Variants in CNTNAP3 observed in about 807,000 individuals in gnomAD.
CNTNAP3 encodes the protein contactin-associated protein-like 3.
CNTNAP3 carries 36 observed loss-of-function variants against 92.1 expected under a neutral mutation model. The ratio of observed to expected loss-of-function variants is 0.39; its 90% CI spans 0.30 to 0.52. The LOEUF is 0.52. Among genes scored for constraint, CNTNAP3 ranks in the 20% least tolerant of loss-of-function variants. The probability of loss-of-function intolerance (pLI) is 0.76; values close to 1 mark genes in which losing one functional copy is unlikely to be tolerated. For synonymous variants in CNTNAP3, 232 were observed against 422.3 expected, an observed-to-expected ratio of 0.55 and a Z score of 5.53; for missense variants, 534 against 1,069.6, an observed-to-expected ratio of 0.50 and a Z score of 6.98.
chr9:39,116,060 G>A (rs1046711916), intron 14 of CNTNAP3, among the ~76,000 whole-genome samples: 1 of 152,018 alleles, frequency 6.6e-6, no homozygotes, highest in African/African-American at 2.4e-5. Context: ...GCTGAGGCAG[G>A]AGAATCGCTT....
intron 9 of CNTNAP3, among the ~76,000 whole-genome samples, chr9:39,163,135 A>C: frequency 1.8e-5 from 1 of 56,218 alleles, no homozygotes; most frequent in East Asian, 4.4e-4. Flanking sequence ...AAAACAAAGT[A>C]GTGTGGATCA....
intron 21 of CNTNAP3, among the ~76,000 whole-genome samples, chr9:39,081,342 C>T (rs938602982): frequency 6.6e-6 from 1 of 151,990 alleles, no homozygotes; most frequent in Non-Finnish European, 1.5e-5. Context: ...TTTTGCTTCT[C>T]TTAGCTGAAT....
At chr9:39,121,896 A>C (rs969147861) in intron 13 of CNTNAP3, among the ~76,000 whole-genome samples, 1 of 152,150 alleles carries the variant, frequency 6.6e-6, no homozygotes, top group Non-Finnish European at 1.5e-5. Context: ...CCAAAAAGCT[A>C]GTTTACTAGA....
intron 12 of CNTNAP3, among the ~76,000 whole-genome samples, chr9:39,137,637 C>A (rs1388795552): frequency 1.3e-5 from 2 of 151,682 alleles, no homozygotes; most frequent in African/African-American, 4.8e-5. Context: ...CTCAGCCTCC[C>A]GAGTAGCTGG....
At chr9:39,149,715 A>C in intron 10 of CNTNAP3, 91 bp downstream of exon 10, 2 of 699,686 alleles carry the variant, frequency 2.9e-6, no homozygotes, top group Non-Finnish European at 2.4e-6. Flanking sequence ...AACAACAAAA[A>C]AGAGAACGGA....
chr9:39,142,074 T>C (rs1821590222), intron 11 of CNTNAP3, among the ~76,000 whole-genome samples: 1 of 152,170 alleles, frequency 6.6e-6, no homozygotes. Flanking sequence ...TTGAAATACT[T>C]TTTCAATCTC....
chr9:39,137,923 G>A (rs1489232152), intron 12 of CNTNAP3, among the ~76,000 whole-genome samples: 1 of 151,700 alleles, frequency 6.6e-6, no homozygotes, highest in African/African-American at 2.4e-5. Context: ...GCAGTGGTGT[G>A]ACCATGGCTC....
chr9:39,104,224 G>A (rs1826540977), intron 15 of CNTNAP3, among the ~76,000 whole-genome samples: 1 of 152,054 alleles, frequency 6.6e-6, no homozygotes, highest in Non-Finnish European at 1.5e-5. Flanking sequence ...TCAAAGGTAC[G>A]ACCAACAGAA....
rs536107443 is a variant in CNTNAP3 at position 39,149,941 on chromosome 9, C to T, written c.1514G>A (p.Ser505Asn). 6.2e-7 allele frequency: 1 copy of T among 1,611,776 alleles called. No individual in the cohort carries two copies. Among genetic ancestry groups the T allele is most frequent in the African/African-American group, 1.3e-5 (1 of 74,916 alleles). ...GCAGCCCTGAAACCCTCCCAGGGGG[C>T]TTTTACATCCAGAGCCAGAGCTGTT... is the stretch of plus-strand genomic sequence containing the variant. ...LDNSSGSGCKSPLGGFQGCLR... is the reference protein window; with the variant it reads ...LDNSSGSGCKNPLGGFQGCLR... Residue 505 changes from serine to asparagine, a missense_variant, in exon 10 of 24, where the codon AGC becomes AAC. By Grantham distance (46) the Ser-to-Asn change is conservative. Transcript: ENST00000297668.
At chr9:39,151,460 G>A (rs141220847) in intron 9 of CNTNAP3, among the ~76,000 whole-genome samples, 3,544 of 132,704 alleles carry the variant, frequency 0.027, 181 homozygotes, top group Non-Finnish European at 0.036. Context: ...GGGAAACTGA[G>A]GCAGGAGAAT....
intron 9 of CNTNAP3, among the ~76,000 whole-genome samples, chr9:39,162,982 AAAAG>A (rs1369242437): frequency 3.7e-5 from 3 of 80,350 alleles, no homozygotes; most frequent in Non-Finnish European, 7.0e-5. Flanking sequence ...GTTTAAAAAA[AAAAG>A]AGAAGCAACA....
intron 12 of CNTNAP3, among the ~76,000 whole-genome samples, chr9:39,138,780 G>A (rs1389723791): frequency 2.0e-5 from 3 of 152,288 alleles, no homozygotes; most frequent in South Asian, 2.1e-4. Context: ...CCTTGACAAC[G>A]GTTTCCCCAA....
chr9:39,113,420 ATTATT>A (rs1205147026), intron 14 of CNTNAP3, among the ~76,000 whole-genome samples: 11 of 152,116 alleles, frequency 7.2e-5, no homozygotes, highest in South Asian at 2.1e-4. Flanking sequence ...TGTAATGGTA[ATTATT>A]TTAAGATTTT....
chr9:39,128,799 A>ATTAAGTTCAAAAAAGAGCTTATAAG (rs1554649379), intron 13 of CNTNAP3, among the ~76,000 whole-genome samples: 1 of 151,614 alleles, frequency 6.6e-6, no homozygotes, highest in African/African-American at 2.4e-5. Context: ...CTAAAAAAAA[A>ATTAAGTTCAAAAAAGAGCTTATAAG]TTAAGTTCAA....
chr9:39,117,816 C>T (rs1043435974), intron 14 of CNTNAP3: 43 of 407,394 alleles, frequency 1.1e-4, no homozygotes, highest in South Asian at 3.2e-4. Flanking sequence ...AACTAAACTT[C>T]GCAGAGAATG....
At position 39,118,240 on chromosome 9, in the gene CNTNAP3, C is replaced by T; in HGVS notation, c.2100G>A (p.Trp700Ter). The part of the protein sequence containing the change: ...PDSRDGTPLS[W>*]WVGRTNETHT... ...GTGTTTCATTGGTTCTTCCAACCCA[C>T]CAGCTCAGTGGGGTTCCATCTGAAA... Residue 700 changes from tryptophan (W) to a stop codon, truncating the protein, a stop_gained, in exon 14 of 24, where the codon TGG (tryptophan) becomes TGA (stop). Coordinates refer to ENST00000297668, the MANE Select transcript of CNTNAP3 (RefSeq NM_033655.5). LOFTEE classifies it high-confidence loss of function. The T allele has an allele frequency of 6.2e-7, 1 of 1,612,354 alleles. No individual in the cohort carries two copies. Among genetic ancestry groups the T allele is most frequent in the Non-Finnish European group, 8.5e-7 (1 of 1,179,560 alleles).
intron 15 of CNTNAP3, chr9:39,106,359 T>G (rs1436440483): frequency 6.6e-6 from 1 of 152,158 alleles, no homozygotes; most frequent in Non-Finnish European, 1.5e-5. Flanking sequence ...GGCATGATCA[T>G]AGTTCACTGC....
At chr9:39,168,509 T>A (rs1203606294) in intron 8 of CNTNAP3, among the ~76,000 whole-genome samples, 1 of 73,016 alleles carries the variant, frequency 1.4e-5, no homozygotes, top group African/African-American at 5.3e-5. Flanking sequence ...AGTAACATCT[T>A]ACTGATTCTC....
intron 15 of CNTNAP3, among the ~76,000 whole-genome samples, chr9:39,106,051 G>GA (rs1332699812): frequency 6.6e-6 from 1 of 152,148 alleles, no homozygotes; most frequent in Non-Finnish European, 1.5e-5. Flanking sequence ...TCTCCTCACT[G>GA]TATTTACATA....
Sources: gnomAD v4.1 joint callset for allele counts (sites outside exome capture counted in the v4.1 genomes callset) on GRCh38, gnomAD v4.1.1 for gene constraint, MANE v1.5 for transcripts, NCBI Gene and HGNC (gene_info 2026-07-23, HGNC 2026-07-21) for gene names.